The following CPEB1 variants were observed in gnomAD, a reference collection of about 807,000 sequenced individuals.
CPEB1 encodes cytoplasmic polyadenylation element-binding protein 1.
A neutral mutation model predicts 65.8 loss-of-function variants in CPEB1; 7 were observed. The observed-to-expected ratio is 0.11, with a 90% CI of 0.06 to 0.20. The LOEUF (loss-of-function observed/expected upper bound fraction) is 0.20. Among genes scored for constraint, CPEB1 ranks in the 10% least tolerant of loss-of-function variants. CPEB1 has a pLI of 1.00. For missense variants in CPEB1, 551 were observed against 712.2 expected (o/e 0.77, Z 2.58); for synonymous variants, 262 against 260.0 (o/e 1.01, Z -0.08).
intron 3 of CPEB1, among the ~76,000 whole-genome samples, chr15:82,613,799 A>C (rs2044410346): frequency 6.9e-6 from 1 of 144,912 alleles, no homozygotes; most frequent in Admixed American, 6.8e-5. Context: ...GACTGGAAAC[A>C]AGCTCCCCCC....
intron 1 of CPEB1, among the ~76,000 whole-genome samples, chr15:82,645,722 G>A (rs1206181667): frequency 6.6e-6 from 1 of 151,934 alleles, no homozygotes; most frequent in Non-Finnish European, 1.5e-5. Flanking sequence ...ACAAAAATCA[G>A]CCGCGCGTGG....
At chr15:82,550,658 T>C (rs961522969) in intron 9 of CPEB1, among the ~76,000 whole-genome samples, 3 of 152,024 alleles carry the variant, frequency 2.0e-5, no homozygotes, top group African/African-American at 7.3e-5. Flanking sequence ...TTACAGGACA[T>C]CCCGAAGAAG....
intron 3 of CPEB1, among the ~76,000 whole-genome samples, chr15:82,572,670 C>G (rs2040201795): frequency 6.6e-6 from 1 of 152,198 alleles, no homozygotes; most frequent in African/African-American, 2.4e-5. Context: ...CTATTAGAAA[C>G]ACCAAACTCT....
At chr15:82,612,842 G>GAAAAAACA (rs1051455334) in intron 3 of CPEB1, among the ~76,000 whole-genome samples, 1 of 50,508 alleles carries the variant, frequency 2.0e-5, no homozygotes, top group Non-Finnish European at 3.9e-5. Context: ...TCAAAAAAAA[G>GAAAAAACA]AACAAACAAA....
intron 10 of CPEB1, 56 bp downstream of exon 10, chr15:82,549,404 C>A (rs2035852283): frequency 6.3e-7 from 1 of 1,583,702 alleles, no homozygotes; most frequent in East Asian, 2.2e-5. Context: ...GTATCACAAT[C>A]TTGGTCTACT....
At chr15:82,638,851 C>T (rs1435617107) in intron 1 of CPEB1, among the ~76,000 whole-genome samples, 1 of 152,182 alleles carries the variant, frequency 6.6e-6, no homozygotes, top group African/African-American at 2.4e-5. Context: ...GTAAGTGACA[C>T]TGGCTTTTCT....
chr15:82,577,495 T>C (rs957358959), intron 3 of CPEB1, among the ~76,000 whole-genome samples: 8 of 152,192 alleles, frequency 5.3e-5, no homozygotes, highest in Non-Finnish European at 1.0e-4. Flanking sequence ...ACAGACATAG[T>C]AGTAATCTCA....
In CPEB1 at chr15:82,552,719, G is replaced by A; in HGVS notation, c.1145-103C>T. 9 of 1,274,272 alleles carry A rather than the reference G, an allele frequency of 7.1e-6. 1 individual carries two copies. Among genetic ancestry groups the A allele is most frequent in the Non-Finnish European group, 5.6e-6 (5 of 896,490 alleles). The allele number at this position is 1,274,272 out of a possible 1,614,324, so 78.9% of individuals were successfully genotyped here. A position where few individuals can be genotyped will look rare whatever the true frequency, so the allele number is the denominator to read the frequency against. On this transcript the variant is annotated intron_variant, in intron 8 of 12. Transcript: ENST00000684509. ...TTTCTTCCAAGAAAGAAGGTCTTGT[G>A]TATAAGATACATTTTTGTTTTACTC...
At chr15:82,610,789 C>A (rs980008357) in intron 3 of CPEB1, among the ~76,000 whole-genome samples, 3 of 151,184 alleles carry the variant, frequency 2.0e-5, no homozygotes, top group African/African-American at 7.3e-5. Context: ...GAAATCCCAT[C>A]TCTACTAAAA....
At position 82,571,888 on chromosome 15, in the gene CPEB1, G is replaced by T. The variant is rs2040087893; in HGVS notation, c.272-356C>A. On this transcript the variant is annotated intron_variant, in intron 3 of 12. Transcript: ENST00000684509. The stretch of plus-strand genomic sequence containing the variant: ...GGGGGAGGAGCAGGAGGGGACGACA[G>T]GGAGGAGACTTGCCTCCCAGGGAAA... The T allele has an allele frequency of 8.6e-6, 9 of 1,040,634 alleles. No individual in the cohort carries two copies. The South Asian group carries it at 3.3e-4, about 38-fold the overall frequency. The allele number at this position is 1,040,634 out of a possible 1,614,324, so 64.5% of individuals were successfully genotyped here.
At position 82,571,514 on chromosome 15, in the gene CPEB1, T is replaced by G. The variant is rs765813900; in HGVS notation, c.290A>C (p.Glu97Ala). 1.2e-6 allele frequency: 2 copies of G among 1,613,922 alleles called. No homozygotes were observed. ...GAAAAGCATCCTGCTTGTAACTGTT[T>G]CTTCAGAGTCCTGGAAGTCTGTTTT... ...DHLPDFQDSE[E>A]TVTSRMLFPT... The change falls in exon 4 of 13, where the codon GAA becomes GCA. Residue 97 changes from glutamate (E) to alanine (A), a missense_variant. By Grantham distance (107) the Glu-to-Ala change is moderately radical. Transcript: ENST00000684509.
intron 5 of CPEB1, among the ~76,000 whole-genome samples, chr15:82,557,128 C>A (rs1227111137): frequency 6.6e-6 from 1 of 152,208 alleles, no homozygotes; most frequent in Non-Finnish European, 1.5e-5. Flanking sequence ...ATAATATCCC[C>A]TACCTATTCT....
intron 3 of CPEB1, among the ~76,000 whole-genome samples, chr15:82,625,113 G>A (rs182755071): frequency 2.5e-4 from 38 of 152,258 alleles, no homozygotes; most frequent in Middle Eastern, 6.8e-3. Context: ...AAGTCACCAT[G>A]CCTGGCCTGT....
chr15:82,566,079 G>A (rs900312513), intron 4 of CPEB1, among the ~76,000 whole-genome samples: 4 of 152,238 alleles, frequency 2.6e-5, no homozygotes, highest in Non-Finnish European at 4.4e-5. Context: ...AGCTCCTGTC[G>A]GTTTTACAGC....
At chr15:82,559,335 C>G (rs1422434766) in intron 4 of CPEB1, among the ~76,000 whole-genome samples, 1 of 152,186 alleles carries the variant, frequency 6.6e-6, no homozygotes, top group Non-Finnish European at 1.5e-5. Flanking sequence ...TTGGATAAGA[C>G]ATGGTAGGTG....
At chr15:82,573,341 C>G in intron 3 of CPEB1, 1 of 620,378 alleles carries the variant, frequency 1.6e-6, no homozygotes, top group Non-Finnish European at 2.6e-6. Flanking sequence ...AAGCCTTGTT[C>G]ATCATGGCAA....
Position 82,544,272 on chromosome 15 carries a change from GTTT to G in CPEB1, c.*317_*319del, listed in dbSNP as rs35946080. 3.0e-4 allele frequency: 39 copies of G among 131,114 alleles called. No individual in the cohort carries two copies. Among genetic ancestry groups the G allele is most frequent in the East Asian group, 6.5e-4 (3 of 4,608 alleles). 8.1% of individuals were successfully genotyped at this position (131,114 alleles called of 1,614,324 possible). On this transcript the variant is annotated 3_prime_UTR_variant, in exon 13 of 13. Coordinates refer to ENST00000684509, the MANE Select transcript of CPEB1 (RefSeq NM_001365242.1). ...TACCTCAATACCTTCTGGACACGTA[GTTT>G]TTTTTTTTTTTTTTTTTTTCCCCGC...
intron 1 of CPEB1, among the ~76,000 whole-genome samples, chr15:82,632,096 C>T (rs1161137617): frequency 6.6e-6 from 1 of 151,306 alleles, no homozygotes; most frequent in East Asian, 1.9e-4. Context: ...ATTCTCTCGC[C>T]TCAGCCTCTG....
chr15:82,638,688 C>T (rs1455414884), intron 1 of CPEB1: 1 of 152,150 alleles, frequency 6.6e-6, no homozygotes, highest in African/African-American at 2.4e-5. Context: ...ATTCTTGAAA[C>T]TCAGTCACAT....
Sources: allele counts gnomAD v4.1 joint callset (sites outside exome capture counted in the v4.1 genomes callset), GRCh38; gene constraint gnomAD v4.1.1; transcripts MANE v1.5; gene names NCBI Gene and HGNC (gene_info 2026-07-23, HGNC 2026-07-21).